The following DMTF1 variants were observed in gnomAD, a reference collection of about 807,000 sequenced individuals.
DMTF1 encodes cyclin D binding myb like transcription factor 1.
Under a neutral mutation model 91.1 loss-of-function variants are expected in DMTF1, and 39 were observed. The ratio of observed to expected loss-of-function variants is 0.43; its 90% confidence interval spans 0.33 to 0.56. DMTF1 has a LOEUF of 0.56. Ranked by LOEUF, DMTF1 falls within the 20% of genes least tolerant of loss-of-function variation. The pLI is 0.05. For missense variants in DMTF1, 750 were observed against 914.5 expected (o/e 0.82, Z 2.32); for synonymous variants, 338 against 309.5 (o/e 1.09, Z -0.97).
chr7:87,167,469 C>T (rs1726380601), intron 4 of DMTF1, among the ~76,000 whole-genome samples: 1 of 152,186 alleles, frequency 6.6e-6, no homozygotes, highest in Admixed American at 6.5e-5. Flanking sequence ...ACTCTTAGCA[C>T]AAAGGAGGGT....
intron 7 of DMTF1, 133 bp downstream of exon 7, chr7:87,174,802 A>G (rs1445316566): frequency 1.9e-6 from 1 of 513,558 alleles, no homozygotes; most frequent in African/African-American, 2.0e-5. Context: ...AATGGCTAAC[A>G]TGTAGCTGAA....
chr7:87,193,725 C>T lies in DMTF1; in HGVS notation c.1651C>T (p.Pro551Ser), dbSNP rs763496291. ...PEQIIVHALSPEHLLNTSDNV... is the reference protein window; with the variant it reads ...PEQIIVHALSSEHLLNTSDNV... ...TAACAGGTTCTTTAATGTTTTATAGCCAGAACATTTGTTGAACACAAGTGA... is the reference window on the plus strand; with the variant it reads ...TAACAGGTTCTTTAATGTTTTATAGTCAGAACATTTGTTGAACACAAGTGA... Residue 551 changes from proline to serine, a missense_variant and splice_region_variant, in exon 16 of 18, where the codon CCA becomes TCA. Pro to Ser is a moderately conservative substitution (Grantham distance 74, BLOSUM62 -1). Transcript: ENST00000331242. 2 of 1,589,822 alleles carry T rather than the reference C, an allele frequency of 1.3e-6. No homozygotes were observed. Among genetic ancestry groups the T allele is most frequent in the Non-Finnish European group, 1.7e-6 (2 of 1,168,604 alleles).
At position 87,185,823 on chromosome 7, in the gene DMTF1, CTG is replaced by C; in HGVS notation, c.1050-4_1050-3del. The C allele has an allele frequency of 6.2e-7, 1 of 1,613,588 alleles. No individual in the cohort carries two copies. On this transcript the variant is annotated splice_polypyrimidine_tract_variant and splice_region_variant and intron_variant, in intron 11 of 17. Coordinates refer to ENST00000331242, the MANE Select transcript of DMTF1 (RefSeq NM_001142327.2). The stretch of plus-strand genomic sequence containing the variant: ...ATGTCTAACGATGCTTATTTTGTAA[CTG>C]TAGGATAGCAGAACTTGATGTAGCT...
intron 1 of DMTF1, chr7:87,154,453 A>G (rs755453883): frequency 6.6e-6 from 1 of 152,630 alleles, no homozygotes; most frequent in Admixed American, 6.5e-5. Context: ...TTCTGCGTGA[A>G]TCTCTTTAAT....
Position 87,171,533 on chromosome 7 carries a change from G to C in DMTF1, c.327+444G>C, listed in dbSNP as rs1204848713. On this transcript the variant is annotated intron_variant, in intron 5 of 17. Coordinates refer to ENST00000331242, the MANE Select transcript of DMTF1 (RefSeq NM_001142327.2). Reference sequence around the variant, plus strand: ...GTACTGTGTCTCCTTCCAGTGATGAGACTAGCTTGAAAAACAATTAGAAAC... The same window carrying C: ...GTACTGTGTCTCCTTCCAGTGATGACACTAGCTTGAAAAACAATTAGAAAC... Among the ~76,000 whole-genome samples, 4 of 152,144 alleles carry C rather than the reference G, an allele frequency of 2.6e-5. No homozygotes were observed. In the East Asian group the frequency reaches 5.8e-4, roughly 22 times the overall value.
In DMTF1 at chr7:87,193,306, G is replaced by A. The variant is rs776248393; in HGVS notation, c.1603G>A (p.Ala535Thr). 39 of 1,613,304 alleles carry A rather than the reference G, an allele frequency of 2.4e-5. No individual in the cohort carries two copies. In the Admixed American group the frequency reaches 6.5e-4, roughly 27 times the overall value. ...LTASPTVTLT[A>T]AAPASPEQII... ...TGCTAGTCCCACAGTAACCCTGACA[G>A]CTGCTGCTCCTGCTTCTCCTGAACA... Residue 535 changes from alanine to threonine, a missense_variant, in exon 15 of 18, where the codon GCT becomes ACT. By Grantham distance (58) the Ala-to-Thr change is moderately conservative (BLOSUM62 0). Transcript: ENST00000331242.
intron 10 of DMTF1, among the ~76,000 whole-genome samples, chr7:87,183,455 C>A (rs1386428348): frequency 6.6e-6 from 1 of 152,198 alleles, no homozygotes; most frequent in East Asian, 1.9e-4. Flanking sequence ...CATACAGCTG[C>A]TGATGAGGCC....
intron 1 of DMTF1, among the ~76,000 whole-genome samples, chr7:87,161,054 CTAATAT>C (rs1265179981): frequency 6.6e-6 from 1 of 151,910 alleles, no homozygotes; most frequent in East Asian, 1.9e-4. Flanking sequence ...AGTATTAATA[CTAATAT>C]TAATAAAAAT....
At chr7:87,179,275 G>C (rs1562824051) in intron 7 of DMTF1, among the ~76,000 whole-genome samples, 1 of 151,792 alleles carries the variant, frequency 6.6e-6, no homozygotes, top group African/African-American at 2.4e-5. Context: ...GCTTTCTTTA[G>C]ATCTATTTTT....
intron 4 of DMTF1, among the ~76,000 whole-genome samples, chr7:87,169,931 A>T (rs1794700010): frequency 6.6e-6 from 1 of 152,132 alleles, no homozygotes; most frequent in South Asian, 2.1e-4. Flanking sequence ...CAAGGTTTTA[A>T]ATACTATCTG....
intron 10 of DMTF1, among the ~76,000 whole-genome samples, chr7:87,183,095 A>C (rs1253044743): frequency 1.3e-5 from 2 of 152,192 alleles, no homozygotes; most frequent in Non-Finnish European, 2.9e-5. Context: ...ATTAAAAAAA[A>C]AATTTCTGAA....
intron 1 of DMTF1, among the ~76,000 whole-genome samples, chr7:87,160,019 T>C (rs1220362562): frequency 6.6e-6 from 1 of 152,134 alleles, no homozygotes; most frequent in Non-Finnish European, 1.5e-5. Context: ...GTTTTCCAGA[T>C]AAACCAAATG....
chr7:87,160,960 A>C (rs1326163600), intron 1 of DMTF1, among the ~76,000 whole-genome samples: 9 of 152,140 alleles, frequency 5.9e-5, no homozygotes, highest in Admixed American at 1.3e-4. Context: ...TTATAGGTCT[A>C]ATCCTGGCCT....
At chr7:87,167,233 C>T (rs1456006444) in intron 4 of DMTF1, among the ~76,000 whole-genome samples, 1 of 152,058 alleles carries the variant, frequency 6.6e-6, no homozygotes, top group Non-Finnish European at 1.5e-5. Flanking sequence ...TTATTCTTAC[C>T]GAGAAAGTTC....
rs76107265 is a variant in DMTF1 at position 87,155,440 on chromosome 7, G to C, written c.-132+2885G>C. 4.7e-3 allele frequency: 711 copies of C among 152,036 alleles called. 4 individuals are homozygous for C. The highest frequency in any genetic ancestry group is 0.016 in the African/African-American group (661 of 41,456). The allele number at this position is 152,036 out of a possible 1,614,324, so 9.4% of individuals were successfully genotyped here. A position where few individuals can be genotyped will look rare whatever the true frequency, so the allele number is the denominator to read the frequency against. On this transcript the variant is annotated intron_variant, in intron 1 of 17. Coordinates refer to ENST00000331242, the MANE Select transcript of DMTF1 (RefSeq NM_001142327.2). ...CCTAGGAATTGATATACTTTTAAATGCTTTGCAATTGCAGCTCCTTTATGT... is the reference window on the plus strand; with the variant it reads ...CCTAGGAATTGATATACTTTTAAATCCTTTGCAATTGCAGCTCCTTTATGT...
chr7:87,181,229 A>C, intron 8 of DMTF1, 80 bp from the exon 9 acceptor site: 1 of 690,116 alleles, frequency 1.4e-6, no homozygotes, highest in Non-Finnish European at 2.6e-6. Context: ...TCAGCTCCCT[A>C]AATGAAATTC....
intron 1 of DMTF1, among the ~76,000 whole-genome samples, chr7:87,157,485 A>G (rs1226535792): frequency 1.3e-5 from 2 of 152,144 alleles, no homozygotes; most frequent in Non-Finnish European, 2.9e-5. Context: ...AAAACTGGGA[A>G]GAAAGGTGAC....
At chr7:87,186,064 C>A in intron 12 of DMTF1, 84 bp downstream of exon 12, 1 of 1,458,678 alleles carries the variant, frequency 6.9e-7, no homozygotes, top group Non-Finnish European at 9.5e-7. Flanking sequence ...AGTTCTTTGC[C>A]CCAGCTAGAG....
At chr7:87,173,071 G>C (rs1252256186) in intron 5 of DMTF1, among the ~76,000 whole-genome samples, 1 of 152,182 alleles carries the variant, frequency 6.6e-6, no homozygotes, top group Non-Finnish European at 1.5e-5. Flanking sequence ...GATTTAGGCA[G>C]CAAGCTTATC....
Sources: allele counts gnomAD v4.1 joint callset (sites outside exome capture counted in the v4.1 genomes callset), GRCh38; gene constraint gnomAD v4.1.1; transcripts MANE v1.5; gene names NCBI Gene and HGNC (gene_info 2026-07-23, HGNC 2026-07-21).